CTR9: variants seen among roughly 807,000 people sequenced by gnomAD.
The protein encoded by CTR9 is CTR9 component of Paf1/RNA polymerase II complex.
A neutral mutation model predicts 152.1 loss-of-function variants in CTR9; 41 were observed. The ratio of observed to expected loss-of-function variants is 0.27; its 90% confidence interval spans 0.21 to 0.35. CTR9 has a LOEUF of 0.35. CTR9 is among the 10% of genes least tolerant of loss of function. CTR9 has a pLI of 1.00. For missense variants in CTR9, 917 were observed against 1,424.4 expected (o/e 0.64, Z 5.73); for synonymous variants, 476 against 496.2 (o/e 0.96, Z 0.54).
chr11:10,762,197 A>G (rs1862989174), intron 7 of CTR9, 143 bp downstream of exon 7: 1 of 602,212 alleles, frequency 1.7e-6, no homozygotes, highest in Non-Finnish European at 2.9e-6. Flanking sequence ...TGTATTAGTT[A>G]CCTGGGGGTA....
At chr11:10,770,377 T>C in intron 17 of CTR9, 51 bp downstream of exon 17, 1 of 1,589,902 alleles carries the variant, frequency 6.3e-7, no homozygotes, top group Non-Finnish European at 8.6e-7. Flanking sequence ...CATTGTATTT[T>C]TTAATTCTTC....
intron 20 of CTR9, 83 bp from the exon 21 acceptor site, chr11:10,773,044 C>T: frequency 6.9e-7 from 1 of 1,454,322 alleles, no homozygotes; most frequent in Non-Finnish European, 9.3e-7. Context: ...AAAAAAAAAT[C>T]CTCTGCTTAG....
chr11:10,775,350 G>A, intron 23 of CTR9, 47 bp downstream of exon 23: 1 of 1,521,772 alleles, frequency 6.6e-7, no homozygotes. Context: ...AGATGTGAAA[G>A]ATTGCAGTAC....
chr11:10,759,492 T>C (rs1862941404), intron 5 of CTR9, among the ~76,000 whole-genome samples: 1 of 152,170 alleles, frequency 6.6e-6, no homozygotes, highest in Non-Finnish European at 1.5e-5. Context: ...GAATTAGACA[T>C]AGCAAGCGTA....
At chr11:10,765,375 G>A (rs11602203) in intron 12 of CTR9, among the ~76,000 whole-genome samples, 11,854 of 151,960 alleles carry the variant, frequency 0.078, 516 homozygotes, top group African/African-American at 0.11. Flanking sequence ...GTGTATGAGG[G>A]TTTTTTTGTT....
intron 9 of CTR9, 62 bp from the exon 10 acceptor site, chr11:10,764,050 C>G (rs1863019637): frequency 7.9e-6 from 12 of 1,520,996 alleles, no homozygotes; most frequent in Non-Finnish European, 1.1e-5. Context: ...ACATAGCCCC[C>G]ACTTTTTATT....
At chr11:10,763,312 C>G (rs1398675875) in intron 7 of CTR9, 119 bp from the exon 8 acceptor site, 1 of 713,268 alleles carries the variant, frequency 1.4e-6, no homozygotes, top group African/African-American at 1.8e-5. Context: ...TGAAAGGCAA[C>G]TATTTATGAA....
chr11:10,773,609 C>A (rs185884336), intron 21 of CTR9, among the ~76,000 whole-genome samples: 2 of 152,024 alleles, frequency 1.3e-5, no homozygotes, highest in African/African-American at 2.4e-5. Context: ...TCATTTGGGC[C>A]GGGCACAGTG....
At chr11:10,751,633 G>C (rs759931843) in intron 1 of CTR9, among the ~76,000 whole-genome samples, 176 bp downstream of exon 1, 6 of 152,066 alleles carry the variant, frequency 3.9e-5, no homozygotes, top group Non-Finnish European at 8.8e-5. Flanking sequence ...TCTCAGGCTG[G>C]GGGCACCGCG....
At position 10,778,902 on chromosome 11, in the gene CTR9, G is replaced by C; in HGVS notation, c.3319G>C (p.Val1107Leu). 6.2e-7 allele frequency: 1 copy of C among 1,614,226 alleles called. No individual in the cohort carries two copies. The highest frequency in any genetic ancestry group is 8.5e-7 in the Non-Finnish European group (1 of 1,180,048). ...TTCTGAGCAGTCTGACAATGAATCT[G>C]TGCAGTCAGGGAGAAGCCACTCAGG... ...SGSEQSDNES[V>L]QSGRSHSGVS... The change falls in exon 25 of 25, where the codon GTG (valine) becomes CTG (leucine). Residue 1107 changes from valine (V) to leucine (L), a missense_variant. This residue lies in a region of CTR9 where 384 missense variants were observed against 398.4 expected (regional missense o/e 0.96). Coordinates refer to ENST00000361367, the MANE Select transcript of CTR9 (RefSeq NM_014633.5).
chr11:10,760,756 T>C (rs1279469640), intron 6 of CTR9, among the ~76,000 whole-genome samples: 3 of 152,240 alleles, frequency 2.0e-5, no homozygotes, highest in Non-Finnish European at 4.4e-5. Flanking sequence ...TAGTGTTTAC[T>C]AAACCAGTTG....
chr11:10,773,192 G>A lies in CTR9; in HGVS notation c.2646G>A (p.Val882=). 6.2e-7 allele frequency: 1 copy of A among 1,613,162 alleles called. No homozygotes were observed. Among genetic ancestry groups the A allele is most frequent in the Admixed American group, 1.7e-5 (1 of 59,730 alleles). The change falls in exon 21 of 25, where the codon GTG becomes GTA. Residue 882 remains valine (V), a synonymous_variant. Coordinates refer to ENST00000361367, the MANE Select transcript of CTR9 (RefSeq NM_014633.5). ...KKLLEQRAQY[V]EKTKNILMFT... ...TTTTGGAACAGCGGGCCCAGTATGT[G>A]GAGAAGACCAAAAATATTCTTATGT...
intron 1 of CTR9, among the ~76,000 whole-genome samples, chr11:10,752,268 C>T (rs1204106722): frequency 6.6e-6 from 1 of 152,122 alleles, no homozygotes; most frequent in Non-Finnish European, 1.5e-5. Context: ...TTAATGTGTG[C>T]AGTGGCATTC....
intron 2 of CTR9, among the ~76,000 whole-genome samples, chr11:10,754,665 A>C (rs1349178857): frequency 1.3e-5 from 2 of 152,124 alleles, no homozygotes; most frequent in African/African-American, 4.8e-5. Context: ...AGTTTTATAT[A>C]AATGGAATCA....
intron 24 of CTR9, 34 bp downstream of exon 24, chr11:10,775,667 G>T (rs1255558264): frequency 7.1e-7 from 1 of 1,405,888 alleles, no homozygotes. Flanking sequence ...TTCTTCTCAT[G>T]ATGTAGATAA....
In CTR9 at chr11:10,775,560, A is replaced by G. The variant is rs769885262; in HGVS notation, c.3022A>G (p.Ile1008Val). Residue 1008 changes from isoleucine (I) to valine (V), a missense_variant, in exon 24 of 25, where the codon ATA becomes GTA. Ile to Val is a conservative substitution (Grantham distance 29). Coordinates refer to ENST00000361367, the MANE Select transcript of CTR9 (RefSeq NM_014633.5). ...ERLPPSMKGKIKSKAIISSSD... is the reference protein window; with the variant it reads ...ERLPPSMKGKVKSKAIISSSD... ...TCTGCCTCCATCAATGAAGGGAAAAATAAAATCCAAAGCCATAATTTCATC... is the reference window on the plus strand; with the variant it reads ...TCTGCCTCCATCAATGAAGGGAAAAGTAAAATCCAAAGCCATAATTTCATC... The G allele has an allele frequency of 6.2e-7, 1 of 1,613,936 alleles. No individual in the cohort carries two copies. Among genetic ancestry groups the G allele is most frequent in the Non-Finnish European group, 8.5e-7 (1 of 1,179,860 alleles).
rs77270032 is a variant in CTR9, at chr11:10,758,878, C to G, written c.593-1295C>G. ...TTAGAATGTTACAATCCTACTAGAA[C>G]TTCTCTATTTCCCCCAAATAATTAA... On this transcript the variant is annotated intron_variant, in intron 5 of 24. Transcript: ENST00000361367. Among the ~76,000 whole-genome samples, 1,476 of 152,302 alleles carry G rather than the reference C, an allele frequency of 9.7e-3. 19 individuals carry two copies. The highest frequency in any genetic ancestry group is 0.033 in the African/African-American group (1,391 of 41,548).
chr11:10,759,545 A>G (rs1862942228), intron 5 of CTR9, among the ~76,000 whole-genome samples: 1 of 152,234 alleles, frequency 6.6e-6, no homozygotes, highest in African/African-American at 2.4e-5. Flanking sequence ...AACAGACATG[A>G]TCGACAACTG....
intron 24 of CTR9, 134 bp downstream of exon 24, chr11:10,775,767 A>G (rs976103974): frequency 1.8e-6 from 1 of 560,826 alleles, no homozygotes; most frequent in Non-Finnish European, 3.0e-6. Context: ...GGGTGGGGAC[A>G]GACTTGAAAA....
Sources: allele counts gnomAD v4.1 joint callset (sites outside exome capture counted in the v4.1 genomes callset), GRCh38; gene constraint gnomAD v4.1.1; regional missense constraint gnomAD v4.1.1; transcripts MANE v1.5; gene names NCBI Gene and HGNC (gene_info 2026-07-23, HGNC 2026-07-21).